The following DAD1 variants were observed in gnomAD, a reference collection of about 807,000 sequenced individuals.
DAD1 encodes defender against cell death 1, also known as dolichyl-diphosphooligosaccharide--protein glycosyltransferase subunit DAD1.
DAD1 carries 4 observed loss-of-function variants against 9.0 expected under a neutral mutation model. The ratio of observed to expected loss-of-function variants is 0.44; its 90% CI spans 0.22 to 1.01. The LOEUF (loss-of-function observed/expected upper bound fraction) is 1.01, where lower values mean the gene tolerates loss of function less well. Ranked by LOEUF, DAD1 falls within the 50% of genes least tolerant of loss-of-function variation. The probability of loss-of-function intolerance (pLI) is 0.24; values close to 1 mark genes in which losing one functional copy is unlikely to be tolerated. For synonymous variants in DAD1, 60 were observed against 62.5 expected (o/e 0.96, Z 0.19); for missense variants, 119 against 137.3 (o/e 0.87, Z 0.67).
intron 1 of DAD1, among the ~76,000 whole-genome samples, chr14:22,576,457 T>A (rs1218455003): frequency 6.6e-6 from 1 of 152,026 alleles, no homozygotes; most frequent in African/African-American, 2.4e-5. Flanking sequence ...CTACAAAAAT[T>A]AACTCGAAAC....
intron 1 of DAD1, among the ~76,000 whole-genome samples, chr14:22,578,509 G>A (rs189887346): frequency 6.6e-6 from 1 of 152,358 alleles, no homozygotes; most frequent in East Asian, 1.9e-4. Flanking sequence ...GGAGGTTGCA[G>A]TGAGCCGAGA....
At chr14:22,574,774 C>T (rs5742802) in intron 2 of DAD1, among the ~76,000 whole-genome samples, 1,927 of 149,356 alleles carry the variant, frequency 0.013, 30 homozygotes, top group African/African-American at 0.036. Context: ...CCAAAATCTC[C>T]GAGTTATTTT....
chr14:22,578,504 T>C (rs944355949), intron 1 of DAD1, among the ~76,000 whole-genome samples: 10 of 152,106 alleles, frequency 6.6e-5, no homozygotes, highest in African/African-American at 2.4e-4. Context: ...GAGGTGGAGG[T>C]TGCAGTGAGC....
chr14:22,570,827 C>G (rs1023456715), intron 2 of DAD1, among the ~76,000 whole-genome samples: 1 of 152,142 alleles, frequency 6.6e-6, no homozygotes, highest in African/African-American at 2.4e-5. Flanking sequence ...AGGCATTTGG[C>G]AACTATCTCC....
intron 1 of DAD1, among the ~76,000 whole-genome samples, chr14:22,588,267 C>G (rs983479626): frequency 6.6e-6 from 1 of 152,228 alleles, no homozygotes; most frequent in Admixed American, 6.5e-5. Context: ...TTTCAGTATT[C>G]ACTGAATCCC....
chr14:22,588,041 A>G (rs2037166243), intron 1 of DAD1, among the ~76,000 whole-genome samples: 1 of 152,180 alleles, frequency 6.6e-6, no homozygotes, highest in Non-Finnish European at 1.5e-5. Flanking sequence ...AGGCCTCCAG[A>G]CAATTCCAAT....
intron 1 of DAD1, among the ~76,000 whole-genome samples, chr14:22,576,275 T>G (rs2037077290): frequency 6.6e-6 from 1 of 151,440 alleles, no homozygotes; most frequent in Admixed American, 6.6e-5. Context: ...TCAATTTAAT[T>G]GCTTTGTTTT....
intron 2 of DAD1, among the ~76,000 whole-genome samples, chr14:22,570,548 T>C (rs995283635): frequency 2.6e-5 from 4 of 152,286 alleles, no homozygotes; most frequent in East Asian, 1.9e-4. Flanking sequence ...GCTCAACACA[T>C]GAAACATACC....
chr14:22,569,668 T>G (rs2037025257), intron 2 of DAD1, among the ~76,000 whole-genome samples: 1 of 152,222 alleles, frequency 6.6e-6, no homozygotes, highest in South Asian at 2.1e-4. Flanking sequence ...AATAAGGCAG[T>G]AAGTTAGGGC....
chr14:22,578,494 G>A (rs547870553), intron 1 of DAD1, among the ~76,000 whole-genome samples: 5 of 152,338 alleles, frequency 3.3e-5, no homozygotes, highest in African/African-American at 7.2e-5. Flanking sequence ...TTAAACTCAG[G>A]AGGTGGAGGT....
At chr14:22,572,513 T>C (rs1267743085) in intron 2 of DAD1, among the ~76,000 whole-genome samples, 1 of 152,174 alleles carries the variant, frequency 6.6e-6, no homozygotes, top group Non-Finnish European at 1.5e-5. Flanking sequence ...GATTTAACAC[T>C]GCAATCTGGG....
chr14:22,574,719 A>T (rs2037064956), intron 2 of DAD1, among the ~76,000 whole-genome samples: 1 of 152,246 alleles, frequency 6.6e-6, no homozygotes. Flanking sequence ...TCAGAAAAAA[A>T]TTAACTAACA....
intron 1 of DAD1, among the ~76,000 whole-genome samples, chr14:22,585,415 A>G (rs139719724): frequency 1.3e-5 from 2 of 152,230 alleles, no homozygotes; most frequent in Non-Finnish European, 2.9e-5. Flanking sequence ...GGTTGCCAAC[A>G]CTGGAATATA....
chr14:22,571,219 G>A (rs1275445629), intron 2 of DAD1, among the ~76,000 whole-genome samples: 1 of 145,922 alleles, frequency 6.9e-6, no homozygotes, highest in Non-Finnish European at 1.5e-5. Flanking sequence ...GGAGGCTGCG[G>A]CAGGAGAATT....
chr14:22,584,267 GA>G (rs1207251660), intron 1 of DAD1, among the ~76,000 whole-genome samples: 1 of 152,132 alleles, frequency 6.6e-6, no homozygotes, highest in Non-Finnish European at 1.5e-5. Context: ...GGAGAGATGA[GA>G]AGACAGCCCC....
chr14:22,571,025 T>TTA (rs1555305586), intron 2 of DAD1, among the ~76,000 whole-genome samples: 3 of 149,140 alleles, frequency 2.0e-5, no homozygotes, highest in African/African-American at 5.0e-5. Context: ...TTTTTTTTTT[T>TTA]AAAAAAGAGT....
chr14:22,581,743 C>CAAAAA lies in DAD1; in HGVS notation c.212-6515_212-6511dup, dbSNP rs59052046. ...GGGCAACAAGAGCAAAACTCCATCT[C>CAAAAA]AAAAAAAAAAAAAAAAAAAAAAAAA... On this transcript the variant is annotated intron_variant, in intron 1 of 2. Coordinates refer to ENST00000250498, the MANE Select transcript of DAD1 (RefSeq NM_001344.4). Among the ~76,000 whole-genome samples, 3 of 36,710 alleles carry CAAAAA rather than the reference C, an allele frequency of 8.2e-5. 1 individual carries two copies. The highest frequency in any genetic ancestry group is 1.1e-4 in the Non-Finnish European group (2 of 18,894). The allele number at this position is 36,710 out of a possible 152,430, so 24.1% of individuals were successfully genotyped here.
chr14:22,580,541 G>A lies in DAD1; in HGVS notation c.212-5308C>T, dbSNP rs193116568. On this transcript the variant is annotated intron_variant, in intron 1 of 2. Transcript: ENST00000250498. ...AGAAAACTATTAATAGTGGTCATTGGAGTAAAGAACACGGTGTTGAGTTTT... is the reference window on the plus strand; with the variant it reads ...AGAAAACTATTAATAGTGGTCATTGAAGTAAAGAACACGGTGTTGAGTTTT... Among the ~76,000 whole-genome samples, 53 of 152,198 alleles carry A rather than the reference G, an allele frequency of 3.5e-4. No homozygotes were observed. In the East Asian group the frequency reaches 8.3e-3, roughly 24 times the overall value.
At chr14:22,569,749 TATAAA>T (rs2037025868) in intron 2 of DAD1, among the ~76,000 whole-genome samples, 1 of 152,188 alleles carries the variant, frequency 6.6e-6, no homozygotes, top group Admixed American at 6.5e-5. Context: ...ATACACCAAA[TATAAA>T]ATAGAGTTCA....
Sources: allele counts gnomAD v4.1 joint callset (sites outside exome capture counted in the v4.1 genomes callset), GRCh38; gene constraint gnomAD v4.1.1; transcripts MANE v1.5; gene names NCBI Gene and HGNC (gene_info 2026-07-23, HGNC 2026-07-21).